The following MAPKAPK5 variants were observed in gnomAD, a reference collection of about 807,000 sequenced individuals.
MAPKAPK5 encodes the protein MAPK activated protein kinase 5, also known as MAP kinase-activated protein kinase 5.
A neutral mutation model predicts 65.1 loss-of-function variants in MAPKAPK5; 30 were observed. The ratio of observed to expected loss-of-function variants is 0.46; its 90% CI spans 0.34 to 0.63. The LOEUF is 0.63. Ranked by LOEUF, MAPKAPK5 falls within the 20% of genes least tolerant of loss-of-function variation. The probability of loss-of-function intolerance (pLI) is 0.01; values close to 1 mark genes in which losing one functional copy is unlikely to be tolerated. For synonymous variants in MAPKAPK5, 179 were observed against 204.6 expected (o/e 0.87, Z 1.07); for missense variants, 433 against 581.4 (o/e 0.74, Z 2.63).
In MAPKAPK5 at chr12:111,890,121, C is replaced by T. The variant is rs1284870764; in HGVS notation, c.1298C>T (p.Thr433Ile). 6.3e-7 allele frequency: 1 copy of T among 1,594,574 alleles called. No homozygotes were observed. The highest frequency in any genetic ancestry group is 8.5e-7 in the Non-Finnish European group (1 of 1,170,746). ...CGGGAATGCAAACTCCTAAGAGATACTCTGCAGAGCTTCAGCTGGAATGGT... is the reference window on the plus strand; with the variant it reads ...CGGGAATGCAAACTCCTAAGAGATATTCTGCAGAGCTTCAGCTGGAATGGT... ...YNRECKLLRDTLQSFSWNGRG... is the reference protein window; with the variant it reads ...YNRECKLLRDILQSFSWNGRG... The change falls in exon 13 of 14, where the codon ACT (threonine) becomes ATT (isoleucine). Residue 433 changes from threonine (T) to isoleucine (I), a missense_variant. Thr to Ile is a moderately conservative substitution (Grantham distance 89). Transcript: ENST00000550735.
chr12:111,862,660 C>G (rs566088388), intron 1 of MAPKAPK5, among the ~76,000 whole-genome samples: 54 of 152,008 alleles, frequency 3.6e-4, no homozygotes, highest in Non-Finnish European at 4.9e-4. Flanking sequence ...CCATTGTGCT[C>G]CAGCCTGGGC....
chr12:111,891,483 C>G lies in MAPKAPK5; in HGVS notation c.1321+1339C>G, dbSNP rs11066065. 0.037 allele frequency among the ~76,000 whole-genome samples: 5,627 copies of G among 151,444 alleles called. 1,097 individuals are homozygous for G. The East Asian group carries it at 0.58, about 16-fold the overall frequency. On this transcript the variant is annotated intron_variant, in intron 13 of 13. Coordinates refer to ENST00000550735, the MANE Select transcript of MAPKAPK5 (RefSeq NM_003668.4). ...CCCATTCTTGGAGGAGATTCACTTC[C>G]CTGGGATTTTTTTAAAGAAAAATTT...
At chr12:111,849,463 C>T (rs2069003266) in intron 1 of MAPKAPK5, among the ~76,000 whole-genome samples, 1 of 151,310 alleles carries the variant, frequency 6.6e-6, no homozygotes, top group Admixed American at 6.6e-5. Context: ...TTAGTTTTGC[C>T]ATGTTGGCCA....
intron 1 of MAPKAPK5, chr12:111,843,209 A>G (rs4767068): frequency 0.25 from 100,841 of 398,422 alleles, 18,914 homozygotes; most frequent in East Asian, 0.81. Flanking sequence ...GCAGTTGGAA[A>G]AAGGTGGTTC....
chr12:111,863,628 T>A (rs2069513743), intron 1 of MAPKAPK5, among the ~76,000 whole-genome samples: 1 of 149,666 alleles, frequency 6.7e-6, no homozygotes, highest in Non-Finnish European at 1.5e-5. Context: ...TTTTTTGAGA[T>A]GGAGTTTTGC....
At position 111,842,679 on chromosome 12, in the gene MAPKAPK5, G is replaced by T. The variant is rs2068750889; in HGVS notation, c.-55G>T. 1 of 1,318,450 alleles carries T rather than the reference G, an allele frequency of 7.6e-7. No individual in the cohort carries two copies. Among genetic ancestry groups the T allele is most frequent in the Admixed American group, 3.5e-5 (1 of 28,554 alleles). 81.7% of individuals were successfully genotyped at this position (1,318,450 alleles called of 1,614,324 possible). On this transcript the variant is annotated 5_prime_UTR_variant, in exon 1 of 14. Transcript: ENST00000550735. Reference sequence around the variant, plus strand: ...GCCCTTTGCTCCCTCGGCCGCGCGGGGACAGGGCTGCTGAGCAGCCTCCGC... The same window carrying T: ...GCCCTTTGCTCCCTCGGCCGCGCGGTGACAGGGCTGCTGAGCAGCCTCCGC...
intron 7 of MAPKAPK5, among the ~76,000 whole-genome samples, chr12:111,874,139 T>G (rs1593161552): frequency 6.6e-6 from 1 of 152,140 alleles, no homozygotes; most frequent in African/African-American, 2.4e-5. Flanking sequence ...TCACGCCTGT[T>G]ATACCAGCAC....
At chr12:111,869,966 A>T (rs192722404) in intron 5 of MAPKAPK5, among the ~76,000 whole-genome samples, 42 of 152,316 alleles carry the variant, frequency 2.8e-4, no homozygotes, top group African/African-American at 9.6e-4. Flanking sequence ...ACCTCAGATG[A>T]ATGAAAGTGG....
In MAPKAPK5 at chr12:111,883,408, T is replaced by C. The variant is rs1440056630; in HGVS notation, c.661-173T>C. 2.0e-5 allele frequency among the ~76,000 whole-genome samples: 3 copies of C among 151,946 alleles called. No individual in the cohort carries two copies. The highest frequency in any genetic ancestry group is 7.2e-5 in the African/African-American group (3 of 41,406). On this transcript the variant is annotated intron_variant, in intron 8 of 13. Coordinates refer to ENST00000550735, the MANE Select transcript of MAPKAPK5 (RefSeq NM_003668.4). The surrounding 1 kb of genome is among the most constrained non-coding windows in gnomAD (Gnocchi z 4.8). ...GAAAAAAAAAGAAAGAAAGAAAATA[T>C]GGAGATAAAGACTAGTTCTCCTAAG...
rs1284533742 is a variant in MAPKAPK5 at position 111,896,260 on chromosome 12, T to G, written c.*3199T>G. The stretch of plus-strand genomic sequence containing the variant: ...TATCCAAAGTGATACTCCCTTTGAC[T>G]CTGAGCATCAGTTGCCCGTGTTTCA... On this transcript the variant is annotated 3_prime_UTR_variant, in exon 14 of 14. Transcript: ENST00000550735. The G allele has an allele frequency of 6.6e-6, 1 of 152,182 alleles. No homozygotes were observed. The highest frequency in any genetic ancestry group is 1.5e-5 in the Non-Finnish European group (1 of 68,034). The allele number at this position is 152,182 out of a possible 1,614,324, so 9.4% of individuals were successfully genotyped here.
intron 1 of MAPKAPK5, among the ~76,000 whole-genome samples, chr12:111,851,194 G>A (rs1030972360): frequency 5.9e-5 from 9 of 151,896 alleles, no homozygotes; most frequent in Non-Finnish European, 1.2e-4. Context: ...CACCGTGCCC[G>A]GCCAGGACTG....
At chr12:111,854,264 GTC>G (rs2069171758) in intron 1 of MAPKAPK5, among the ~76,000 whole-genome samples, 1 of 149,072 alleles carries the variant, frequency 6.7e-6, no homozygotes, top group Non-Finnish European at 1.5e-5. Flanking sequence ...TTGAGATGGA[GTC>G]TCATTCTGTT....
intron 1 of MAPKAPK5, among the ~76,000 whole-genome samples, chr12:111,856,683 A>C (rs1427475170): frequency 6.6e-6 from 1 of 152,134 alleles, no homozygotes; most frequent in Admixed American, 6.6e-5. Flanking sequence ...CCAGGGTTAC[A>C]GGTGTGAGCC....
At chr12:111,881,077 T>G (rs1003693772) in intron 8 of MAPKAPK5, among the ~76,000 whole-genome samples, 1 of 151,918 alleles carries the variant, frequency 6.6e-6, no homozygotes, top group African/African-American at 2.4e-5. Flanking sequence ...CCCACATTTT[T>G]TTTGTTGTTT....
Position 111,868,746 on chromosome 12 carries a change from C to A in MAPKAPK5, c.285-7C>A. 3.3e-6 allele frequency: 5 copies of A among 1,503,752 alleles called. No homozygotes were observed. Among genetic ancestry groups the A allele is most frequent in the African/African-American group, 1.4e-5 (1 of 69,676 alleles). The allele number at this position is 1,503,752 out of a possible 1,614,324, so 93.2% of individuals were successfully genotyped here. A position where few individuals can be genotyped will look rare whatever the true frequency, so the allele number is the denominator to read the frequency against. On this transcript the variant is annotated splice_polypyrimidine_tract_variant and splice_region_variant and intron_variant, in intron 4 of 13. Transcript: ENST00000550735. Reference sequence around the variant, plus strand: ...TTAACTTAACAAAATCAAATGCTTTCAAACAGGGCCCGACTCTTAATTGTA... The same window carrying A: ...TTAACTTAACAAAATCAAATGCTTTAAAACAGGGCCCGACTCTTAATTGTA...
rs1276303881 is a variant in MAPKAPK5 at position 111,899,762 on chromosome 12, CAG to C, written c.*6702_*6703del. 8.1e-6 allele frequency: 3 copies of C among 369,144 alleles called. No individual in the cohort carries two copies. The highest frequency in any genetic ancestry group is 3.1e-5 in the Admixed American group (1 of 32,018). 22.9% of individuals were successfully genotyped at this position (369,144 alleles called of 1,614,324 possible). On this transcript the variant is annotated 3_prime_UTR_variant, in exon 14 of 14. Coordinates refer to ENST00000550735, the MANE Select transcript of MAPKAPK5 (RefSeq NM_003668.4). ...TTTCTGTCAACATCTGTGCAGGTCT[CAG>C]GGGCACATCCTCCTGATTAAGGAGG...
At chr12:111,854,255 TG>T (rs1487759035) in intron 1 of MAPKAPK5, among the ~76,000 whole-genome samples, 1 of 151,708 alleles carries the variant, frequency 6.6e-6, no homozygotes, top group Non-Finnish European at 1.5e-5. Flanking sequence ...TTTTTTTTTT[TG>T]AGATGGAGTC....
chr12:111,893,190 G>A lies in MAPKAPK5; in HGVS notation c.*129G>A. 1 of 616,268 alleles carries A rather than the reference G, an allele frequency of 1.6e-6. No individual in the cohort carries two copies. Among genetic ancestry groups the A allele is most frequent in the Non-Finnish European group, 2.6e-6 (1 of 382,452 alleles). The allele number at this position is 616,268 out of a possible 1,614,324, so 38.2% of individuals were successfully genotyped here. A position where few individuals can be genotyped will look rare whatever the true frequency, so the allele number is the denominator to read the frequency against. ...ATTAAAGCTGCTGTATAGATTTAGGGTGCAGGACTTAATAATAGTATAGTT... is the reference window on the plus strand; with the variant it reads ...ATTAAAGCTGCTGTATAGATTTAGGATGCAGGACTTAATAATAGTATAGTT... On this transcript the variant is annotated 3_prime_UTR_variant, in exon 14 of 14. Coordinates refer to ENST00000550735, the MANE Select transcript of MAPKAPK5 (RefSeq NM_003668.4).
intron 11 of MAPKAPK5, 109 bp downstream of exon 11, chr12:111,888,727 A>T (rs1377499833): frequency 2.6e-6 from 4 of 1,525,064 alleles, no homozygotes; most frequent in Admixed American, 2.1e-5. Flanking sequence ...TAGCCTCTGA[A>T]GAGGGTGGAG....
Sources: gnomAD v4.1 joint callset for allele counts (sites outside exome capture counted in the v4.1 genomes callset) on GRCh38, gnomAD v4.1.1 for gene constraint, Gnocchi (gnomAD v3.1) non-coding constraint, MANE v1.5 for transcripts, NCBI Gene and HGNC (gene_info 2026-07-23, HGNC 2026-07-21) for gene names.